IL18BP: variants seen among roughly 807,000 people sequenced by gnomAD.
IL18BP encodes the protein interleukin-18-binding protein.
IL18BP carries 23 observed loss-of-function variants against 19.9 expected under a neutral mutation model. The ratio of observed to expected loss-of-function variants is 1.15; its 90% CI spans 0.83 to 1.64. IL18BP has a LOEUF of 1.64. Ranked by LOEUF, IL18BP falls within the 40% of genes most tolerant of loss-of-function variation. The pLI, the probability that IL18BP is intolerant of heterozygous loss-of-function variation, is 0.00. For synonymous variants in IL18BP, 107 were observed against 101.0 expected, an observed-to-expected ratio of 1.06 and a Z score of -0.35; for missense variants, 239 against 240.7, an observed-to-expected ratio of 0.99 and a Z score of 0.05.
chr11:72,000,535 G>T lies in IL18BP; in HGVS notation c.213G>T (p.Trp71Cys). The change falls in exon 3 of 6, where the codon TGG becomes TGT. Residue 71 changes from tryptophan to cysteine, a missense_variant. Transcript: ENST00000393703. ...AKQCPALEVT[W>C]PEVEVPLNGT... ...AGTGTCCAGCATTGGAAGTGACCTG[G>T]CCAGAGGTGGAAGTGCCACTGAGTA... 1 of 1,612,076 alleles carries T rather than the reference G, an allele frequency of 6.2e-7. No individual in the cohort carries two copies.
chr11:72,005,156 G>A, downstream of IL18BP: 1 of 1,444,824 alleles, frequency 6.9e-7, no homozygotes. Flanking sequence ...GGGCCCTAGT[G>A]CTCAGGCTAG....
intron 2 of IL18BP, 120 bp from the exon 3 acceptor site, chr11:72,000,231 C>G (rs1290690898): frequency 1.0e-6 from 1 of 980,402 alleles, no homozygotes; most frequent in Non-Finnish European, 1.6e-6. Flanking sequence ...GCTGAGGGGT[C>G]CCTCTTCCCG....
chr11:72,005,362 G>T (rs1955617486), downstream of IL18BP: 2 of 1,605,160 alleles, frequency 1.2e-6, no homozygotes, highest in Non-Finnish European at 1.7e-6. Flanking sequence ...TGTAGAAGCT[G>T]TTCCTTCCTG....
At chr11:72,005,320 C>G, downstream of IL18BP, 4 of 1,608,248 alleles carry the variant, frequency 2.5e-6, no homozygotes, top group Non-Finnish European at 3.4e-6. Context: ...TCCAGTCATC[C>G]AGCTGCTCAG....
chr11:72,003,817 T>C, downstream of IL18BP: 1 of 1,507,014 alleles, frequency 6.6e-7, no homozygotes, highest in Non-Finnish European at 9.1e-7. Context: ...GGATGCTACT[T>C]GGTGGGGCGG....
downstream of IL18BP, chr11:72,005,697 C>A: frequency 2.0e-6 from 1 of 493,282 alleles, no homozygotes. Flanking sequence ...CCCTGGTGCC[C>A]AAAGGACAAG....
chr11:72,000,555 T>A lies in IL18BP; in HGVS notation c.233T>A (p.Leu78Gln). 1 of 1,609,236 alleles carries A rather than the reference T, an allele frequency of 6.2e-7. No individual in the cohort carries two copies. Among genetic ancestry groups the A allele is most frequent in the African/African-American group, 1.3e-5 (1 of 75,006 alleles). Residue 78 changes from leucine (L) to glutamine (Q), a missense_variant and splice_region_variant, in exon 3 of 6, where the codon CTG becomes CAG. Transcript: ENST00000393703. ...ACCTGGCCAGAGGTGGAAGTGCCAC[T>A]GAGTAAGAAGCACAGTGGTGGAGGG... ...EVTWPEVEVP[L>Q]NGTLSLSCVA...
In IL18BP at chr11:72,000,025, G is replaced by A. The variant is rs372798220; in HGVS notation, c.28+13G>A. ...AACTGGACACCAGGTAGGCCTTGGG[G>A]CTACGCATGGGCAGGCGGGGTAGGG... On this transcript the variant is annotated intron_variant, in intron 2 of 5. Transcript: ENST00000393703. 6.2e-6 allele frequency: 10 copies of A among 1,613,678 alleles called. No individual in the cohort carries two copies. The highest frequency in any genetic ancestry group is 2.2e-5 in the East Asian group (1 of 44,884).
At chr11:72,004,346 G>A (rs754985600), downstream of IL18BP, 3 of 1,609,952 alleles carry the variant, frequency 1.9e-6, no homozygotes, top group Non-Finnish European at 2.5e-6. Context: ...CTTAGACTAT[G>A]GAGAAGAGGA....
downstream of IL18BP, chr11:72,006,212 G>T (rs367629814): frequency 3.7e-6 from 6 of 1,614,156 alleles, no homozygotes; most frequent in African/African-American, 2.7e-5. Context: ...GGAGCAGACC[G>T]CGTGCTGTAG....
downstream of IL18BP, chr11:72,004,640 C>T: frequency 6.2e-7 from 1 of 1,612,134 alleles, no homozygotes; most frequent in Non-Finnish European, 8.5e-7. Context: ...CCGCGCCTAC[C>T]TCAGGAGTTC....
downstream of IL18BP, chr11:72,003,814 A>G: frequency 6.7e-7 from 1 of 1,488,598 alleles, no homozygotes; most frequent in Admixed American, 1.9e-5. Flanking sequence ...CTTGGATGCT[A>G]CTTGGTGGGG....
chr11:72,007,298 G>A, downstream of IL18BP: 1 of 1,613,390 alleles, frequency 6.2e-7, no homozygotes, highest in Non-Finnish European at 8.5e-7. Flanking sequence ...GCTCTCCAGG[G>A]GGGCCTGACT....
intron 1 of IL18BP, 89 bp from the exon 2 acceptor site, chr11:71,999,838 A>G (rs1955115561): frequency 8.5e-6 from 6 of 702,948 alleles, no homozygotes; most frequent in South Asian, 3.6e-5. Flanking sequence ...AGGCTATGCT[A>G]CGGGAGGAGA....
At chr11:72,001,378 A>G (rs960051909) in intron 4 of IL18BP, 27 bp from the exon 5 acceptor site, 3 of 1,614,164 alleles carry the variant, frequency 1.9e-6, no homozygotes, top group South Asian at 1.1e-5. Context: ...CGGCCTTCTC[A>G]TGACCTTTCC....
downstream of IL18BP, chr11:72,005,437 C>T (rs1955621485): frequency 1.3e-6 from 2 of 1,507,508 alleles, no homozygotes; most frequent in South Asian, 1.2e-5. Context: ...GCCCTGGCAT[C>T]TTGCCAGCCT....
chr11:72,007,129 A>T, downstream of IL18BP: 1 of 1,588,020 alleles, frequency 6.3e-7, no homozygotes. Flanking sequence ...CCCAGTGCAA[A>T]GATGCCCTTG....
downstream of IL18BP, chr11:72,005,736 G>A (rs1408230261): frequency 8.0e-6 from 4 of 499,078 alleles, no homozygotes; most frequent in South Asian, 2.8e-5. Flanking sequence ...GGCCAGCCTG[G>A]CCTTTCCAGC....
At chr11:72,005,303 A>G (rs147227616), downstream of IL18BP, 13 of 1,609,086 alleles carry the variant, frequency 8.1e-6, no homozygotes, top group African/African-American at 1.3e-5. Context: ...CAGCTCTGCA[A>G]TGCGGTTCCA....
Sources: allele counts gnomAD v4.1 joint callset, GRCh38; gene constraint gnomAD v4.1.1; transcripts MANE v1.5; gene names NCBI Gene and HGNC (gene_info 2026-07-23, HGNC 2026-07-21).